Variants in PPP1R3C observed in about 807,000 individuals in gnomAD.
The protein encoded by PPP1R3C is PP1 subunit R5.
Under a neutral mutation model 29.3 loss-of-function variants are expected in PPP1R3C, and 20 were observed. That is an observed-to-expected ratio of 0.68 (90% CI 0.48 to 0.99). The LOEUF is 0.99. Ranked by LOEUF, PPP1R3C falls within the 50% of genes least tolerant of loss-of-function variation. The pLI is 0.00. For synonymous variants in PPP1R3C, 123 were observed against 143.1 expected (o/e 0.86, Z 1.00); for missense variants, 321 against 386.0 (o/e 0.83, Z 1.41).
rs769849119 is a variant in PPP1R3C at position 91,630,844 on chromosome 10, G to A, written c.37C>T (p.Arg13Cys). The A allele has an allele frequency of 2.5e-5, 41 of 1,612,572 alleles. No individual in the cohort carries two copies. The East Asian group carries it at 4.2e-4, about 17-fold the overall frequency. Residue 13 changes from arginine (R) to cysteine (C), a missense_variant, in exon 2 of 2, where the codon CGT becomes TGT. Coordinates refer to ENST00000238994, the MANE Select transcript of PPP1R3C (RefSeq NM_005398.7). The surrounding 1 kb of genome is among the most constrained non-coding windows in gnomAD (Gnocchi z 4.4). ...GGCATGACCGAACTTGTCAAAGGAC[G>A]TGGATCTAAAACCTGGATCATTCTG... is the stretch of plus-strand genomic sequence containing the variant. ...CTRMIQVLDP[R>C]PLTSSVMPVD...
rs941254270 is a variant in PPP1R3C, at chr10:91,628,496, G to A, written c.*1431C>T. On this transcript the variant is annotated 3_prime_UTR_variant, in exon 2 of 2. Transcript: ENST00000238994. The stretch of plus-strand genomic sequence containing the variant: ...AGAAGCTCATCAAGGATAGCTAGAG[G>A]AGAGTGAAATATTTACAGTAGAAAA... The A allele has an allele frequency of 3.9e-5, 6 of 152,188 alleles. No individual in the cohort carries two copies. The highest frequency in any genetic ancestry group is 1.4e-4 in the African/African-American group (6 of 41,442). The allele number at this position is 152,188 out of a possible 1,614,324, so 9.4% of individuals were successfully genotyped here. A position where few individuals can be genotyped will look rare whatever the true frequency, so the allele number is the denominator to read the frequency against.
Position 91,629,651 on chromosome 10 carries a change from T to G in PPP1R3C, c.*276A>C. ...CTTGCCCAACATGAAAGCTAGTGGATTGAGAGGGAAGGAAGAAGGGAACTG... is the reference window on the plus strand; with the variant it reads ...CTTGCCCAACATGAAAGCTAGTGGAGTGAGAGGGAAGGAAGAAGGGAACTG... On this transcript the variant is annotated 3_prime_UTR_variant, in exon 2 of 2. Coordinates refer to ENST00000238994, the MANE Select transcript of PPP1R3C (RefSeq NM_005398.7). 2 of 463,306 alleles carry G rather than the reference T, an allele frequency of 4.3e-6. No individual in the cohort carries two copies. The highest frequency in any genetic ancestry group is 2.0e-5 in the African/African-American group (1 of 51,224). 28.7% of individuals were successfully genotyped at this position (463,306 alleles called of 1,614,324 possible).
Position 91,630,283 on chromosome 10 carries a change from C to G in PPP1R3C, c.598G>C (p.Asp200His). The change falls in exon 2 of 2, where the codon GAC becomes CAC. Residue 200 changes from aspartate to histidine, a missense_variant. Coordinates refer to ENST00000238994, the MANE Select transcript of PPP1R3C (RefSeq NM_005398.7). The surrounding 1 kb of genome is among the most constrained non-coding windows in gnomAD (Gnocchi z 4.4). ...TACACATTTTTCATATAGACACAGT[C>G]TACGTCAGTGTAGTTTTTCCAAGAA... Reference protein sequence around the residue: ...FDSWKNYTDVDCVYMKNVYGG... With the variant: ...FDSWKNYTDVHCVYMKNVYGG... 1 of 1,614,200 alleles carries G rather than the reference C, an allele frequency of 6.2e-7. No homozygotes were observed. Among genetic ancestry groups the G allele is most frequent in the Non-Finnish European group, 8.5e-7 (1 of 1,180,030 alleles).
In PPP1R3C at chr10:91,630,927, A is replaced by G; in HGVS notation, c.15-61T>C. The G allele has an allele frequency of 7.1e-7, 1 of 1,412,848 alleles. No homozygotes were observed. The highest frequency in any genetic ancestry group is 9.9e-7 in the Non-Finnish European group (1 of 1,011,046). 87.5% of individuals were successfully genotyped at this position (1,412,848 alleles called of 1,614,324 possible). On this transcript the variant is annotated intron_variant, in intron 1 of 1. Coordinates refer to ENST00000238994, the MANE Select transcript of PPP1R3C (RefSeq NM_005398.7). The surrounding 1 kb of genome is among the most constrained non-coding windows in gnomAD (Gnocchi z 4.4). ...TCGGAAATGCTCTTCCCCAGTGCCAAATACATATGTACTATTTTTGTGCTG... is the reference window on the plus strand; with the variant it reads ...TCGGAAATGCTCTTCCCCAGTGCCAGATACATATGTACTATTTTTGTGCTG...
chr10:91,629,886 G>A lies in PPP1R3C; in HGVS notation c.*41C>T. 1 of 1,600,394 alleles carries A rather than the reference G, an allele frequency of 6.2e-7. No homozygotes were observed. On this transcript the variant is annotated 3_prime_UTR_variant, in exon 2 of 2. Transcript: ENST00000238994. ...GCAATACAGACCTAGGATTGCATGG[G>A]GGAATATGACAAGTCAAGACCAGTT...
Position 91,633,056 on chromosome 10 carries a change from G to A in PPP1R3C, c.-87C>T, listed in dbSNP as rs1287786982. 12 of 1,548,666 alleles carry A rather than the reference G, an allele frequency of 7.7e-6. No homozygotes were observed. The highest frequency in any genetic ancestry group is 1.1e-5 in the Non-Finnish European group (12 of 1,140,110). On this transcript the variant is annotated 5_prime_UTR_variant, in exon 1 of 2. Coordinates refer to ENST00000238994, the MANE Select transcript of PPP1R3C (RefSeq NM_005398.7). ...AGCTCCAGGCCTTGCCCCCGCGGCG[G>A]TCGCTGGGAGAGACTGAGGGCCCGG... is the stretch of plus-strand genomic sequence containing the variant.
rs769712959 is a variant in PPP1R3C at position 91,630,534 on chromosome 10, A to C, written c.347T>G (p.Leu116Arg). The change falls in exon 2 of 2, where the codon CTC becomes CGC. Residue 116 changes from leucine to arginine, a missense_variant. Leu to Arg is a moderately radical substitution (Grantham distance 102). Coordinates refer to ENST00000238994, the MANE Select transcript of PPP1R3C (RefSeq NM_005398.7). This position sits in a 1 kb window ranked among gnomAD's most constrained non-coding sequence, Gnocchi z 4.4. ...EEPAWDLQFD[L>R]LDLNDISSAL... ...AGAGGAGATATCATTAAGGTCCAAGAGATCAAACTGCAGATCCCACGCTGG... is the reference window on the plus strand; with the variant it reads ...AGAGGAGATATCATTAAGGTCCAAGCGATCAAACTGCAGATCCCACGCTGG... 1.2e-6 allele frequency: 2 copies of C among 1,614,178 alleles called. No individual in the cohort carries two copies. Among genetic ancestry groups the C allele is most frequent in the Non-Finnish European group, 1.7e-6 (2 of 1,180,038 alleles).
Position 91,629,846 on chromosome 10 carries a change from G to T in PPP1R3C, c.*81C>A. 6.2e-6 allele frequency: 9 copies of T among 1,456,156 alleles called. No homozygotes were observed. The highest frequency in any genetic ancestry group is 8.6e-6 in the Non-Finnish European group (9 of 1,046,262). 90.2% of individuals were successfully genotyped at this position (1,456,156 alleles called of 1,614,324 possible). ...TAAACCTACTGATGGAGTAGCAAAG[G>T]CTTCCTAAAATTGAGCAATACAGAC... On this transcript the variant is annotated 3_prime_UTR_variant, in exon 2 of 2. Coordinates refer to ENST00000238994, the MANE Select transcript of PPP1R3C (RefSeq NM_005398.7).
At chr10:91,632,812 G>T in intron 1 of PPP1R3C, 144 bp downstream of exon 1, 1 of 1,232,644 alleles carries the variant, frequency 8.1e-7, no homozygotes, top group Non-Finnish European at 1.2e-6. Flanking sequence ...CCTCTCGGTT[G>T]CCAGATTCAA....
Position 91,628,909 on chromosome 10 carries a change from A to G in PPP1R3C, c.*1018T>C, listed in dbSNP as rs1201451519. The stretch of plus-strand genomic sequence containing the variant: ...AAAAAAGTGTGCAGAAAAATGAGTC[A>G]CCTTCAATATGAAGGATGTGAGTTG... On this transcript the variant is annotated 3_prime_UTR_variant, in exon 2 of 2. Transcript: ENST00000238994. 6.6e-6 allele frequency: 1 copy of G among 152,472 alleles called. No individual in the cohort carries two copies. Among genetic ancestry groups the G allele is most frequent in the Non-Finnish European group, 1.5e-5 (1 of 68,042 alleles). The allele number at this position is 152,472 out of a possible 1,614,324, so 9.4% of individuals were successfully genotyped here.
intron 1 of PPP1R3C, among the ~76,000 whole-genome samples, chr10:91,632,036 A>G (rs1018639443): frequency 6.6e-6 from 1 of 152,218 alleles, no homozygotes; most frequent in African/African-American, 2.4e-5. Flanking sequence ...CCCTCATCAT[A>G]TATTTCCAAG....
chr10:91,631,573 GAGA>G (rs1291905654), intron 1 of PPP1R3C, among the ~76,000 whole-genome samples: 2 of 151,676 alleles, frequency 1.3e-5, no homozygotes, highest in East Asian at 3.9e-4. Flanking sequence ...GAGAAGGCTA[GAGA>G]AGAAGTCAAA....
rs1371333661 is a variant in PPP1R3C, at chr10:91,628,960, TACA to T, written c.*964_*966del. 5 of 152,296 alleles carry T rather than the reference TACA, an allele frequency of 3.3e-5. No homozygotes were observed. Among genetic ancestry groups the T allele is most frequent in the African/African-American group, 1.2e-4 (5 of 41,432 alleles). 9.4% of individuals were successfully genotyped at this position (152,296 alleles called of 1,614,324 possible). On this transcript the variant is annotated 3_prime_UTR_variant, in exon 2 of 2. Transcript: ENST00000238994. ...TGTACACTGACAACGGTCTCAAAGATACAACATTATTGCAGGAGGAATGCCTGT... is the reference window on the plus strand; with the variant it reads ...TGTACACTGACAACGGTCTCAAAGATACATTATTGCAGGAGGAATGCCTGT...
Position 91,630,556 on chromosome 10 carries a change from C to A in PPP1R3C, c.325G>T (p.Ala109Ser), listed in dbSNP as rs7089948. The change falls in exon 2 of 2, where the codon GCG (alanine) becomes TCG (serine). Residue 109 changes from alanine to serine, a missense_variant. Coordinates refer to ENST00000238994, the MANE Select transcript of PPP1R3C (RefSeq NM_005398.7). This position sits in a 1 kb window ranked among gnomAD's most constrained non-coding sequence, Gnocchi z 4.4. ...AAGAGATCAAACTGCAGATCCCACG[C>A]TGGTTCTTCTGGGAGGTCGGAGAAG... The part of the protein sequence containing the change: ...HVFSDLPEEP[A>S]WDLQFDLLDL... 9.2e-5 allele frequency: 149 copies of A among 1,614,062 alleles called. No individual in the cohort carries two copies. In the African/African-American group the frequency reaches 1.8e-3, roughly 19 times the overall value.
chr10:91,632,714 T>C (rs896682587), intron 1 of PPP1R3C, among the ~76,000 whole-genome samples: 1 of 152,116 alleles, frequency 6.6e-6, no homozygotes, highest in Non-Finnish European at 1.5e-5. Context: ...TCAAGCTGAT[T>C]CACGTTAAGA....
In PPP1R3C at chr10:91,630,575, G is replaced by A. The variant is rs1178042368; in HGVS notation, c.306C>T (p.Ser102=). Residue 102 remains serine, a synonymous_variant, in exon 2 of 2, where the codon TCC becomes TCT. Transcript: ENST00000238994. This position sits in a 1 kb window ranked among gnomAD's most constrained non-coding sequence, Gnocchi z 4.4. The part of the protein sequence containing the change: ...GLSLTAIHVF[S]DLPEEPAWDL... ...CCCACGCTGGTTCTTCTGGGAGGTCGGAGAAGACATGGATCGCAGTGAGAG... is the reference window on the plus strand; with the variant it reads ...CCCACGCTGGTTCTTCTGGGAGGTCAGAGAAGACATGGATCGCAGTGAGAG... 5.0e-6 allele frequency: 8 copies of A among 1,613,906 alleles called. No individual in the cohort carries two copies. Among genetic ancestry groups the A allele is most frequent in the South Asian group, 3.3e-5 (3 of 91,066 alleles).
chr10:91,631,165 T>G (rs1393391566), intron 1 of PPP1R3C, among the ~76,000 whole-genome samples: 2 of 152,234 alleles, frequency 1.3e-5, no homozygotes, highest in East Asian at 3.8e-4. Flanking sequence ...AAGGCAGCCT[T>G]GAGAACTGTG....
Position 91,629,843 on chromosome 10 carries a change from A to G in PPP1R3C, c.*84T>C. ...ATCTAAACCTACTGATGGAGTAGCA[A>G]AGGCTTCCTAAAATTGAGCAATACA... On this transcript the variant is annotated 3_prime_UTR_variant, in exon 2 of 2. Coordinates refer to ENST00000238994, the MANE Select transcript of PPP1R3C (RefSeq NM_005398.7). 6.9e-7 allele frequency: 1 copy of G among 1,443,452 alleles called. No individual in the cohort carries two copies. Among genetic ancestry groups the G allele is most frequent in the Non-Finnish European group, 9.7e-7 (1 of 1,035,556 alleles). 89.4% of individuals were successfully genotyped at this position (1,443,452 alleles called of 1,614,324 possible).
At chr10:91,631,538 AAT>A (rs1307536721) in intron 1 of PPP1R3C, among the ~76,000 whole-genome samples, 39 of 152,332 alleles carry the variant, frequency 2.6e-4, no homozygotes, top group African/African-American at 8.9e-4. Flanking sequence ...AAAAAAAAAA[AAT>A]AACATGCAAC....
Sources: allele counts gnomAD v4.1 joint callset (sites outside exome capture counted in the v4.1 genomes callset), GRCh38; gene constraint gnomAD v4.1.1; non-coding constraint Gnocchi (gnomAD v3.1); transcripts MANE v1.5; gene names NCBI Gene and HGNC (gene_info 2026-07-23, HGNC 2026-07-21).